SMC2: variants seen among roughly 807,000 people sequenced by gnomAD.
The protein encoded by SMC2 is structural maintenance of chromosomes 2.
SMC2 carries 41 observed loss-of-function variants against 142.6 expected under a neutral mutation model. That is an observed-to-expected ratio of 0.29 (90% CI 0.22 to 0.37). The LOEUF is 0.37. Ranked by LOEUF, SMC2 falls within the 10% of genes least tolerant of loss-of-function variation. The pLI is 1.00. For synonymous variants in SMC2, 463 were observed against 457.5 expected (o/e 1.01, Z -0.15); for missense variants, 1,265 against 1,373.7 (o/e 0.92, Z 1.25).
In SMC2 at chr9:104,109,084, G is replaced by A. The variant is rs187606172; in HGVS notation, c.1021-2497G>A. On this transcript the variant is annotated intron_variant, in intron 9 of 24. Transcript: ENST00000374793. ...AACTGAGAAAGGGAGAACAAGGTTA[G>A]TCTAAGGACACCCAGATGACTGTCC... Among the ~76,000 whole-genome samples the A allele has an allele frequency of 1.7e-4, 26 of 152,312 alleles. 1 individual carries two copies. The East Asian group carries it at 4.8e-3, about 28-fold the overall frequency.
intron 16 of SMC2, among the ~76,000 whole-genome samples, chr9:104,120,708 T>C (rs1212867017): frequency 6.6e-6 from 1 of 152,230 alleles, no homozygotes; most frequent in African/African-American, 2.4e-5. Flanking sequence ...ATAAGATATG[T>C]ATATACTTTC....
chr9:104,090,604 C>T (rs1237553479), upstream of SMC2, among the ~76,000 whole-genome samples: 1 of 152,120 alleles, frequency 6.6e-6, no homozygotes, highest in Non-Finnish European at 1.5e-5. Flanking sequence ...TCAGGAGCCA[C>T]AAACTGAGAA....
intron 9 of SMC2, among the ~76,000 whole-genome samples, chr9:104,110,884 T>G (rs1832362971): frequency 6.6e-6 from 1 of 152,238 alleles, no homozygotes; most frequent in African/African-American, 2.4e-5. Context: ...GTTTGATTAC[T>G]ATGTCTTCTA....
chr9:104,134,592 CTATAT>C lies in SMC2; in HGVS notation c.3269+22_3269+26del, dbSNP rs778151760. ...TGGTCAGAGGTGAGGAATCACTTTG[CTATAT>C]TATAATTTTCATTCCTCTTTATTAT... On this transcript the variant is annotated intron_variant, in intron 23 of 24. Coordinates refer to ENST00000374793, the MANE Select transcript of SMC2 (RefSeq NM_006444.3). The C allele has an allele frequency of 1.8e-5, 26 of 1,414,354 alleles. No homozygotes were observed. The East Asian group carries it at 6.0e-4, about 33-fold the overall frequency. The allele number at this position is 1,414,354 out of a possible 1,614,324, so 87.6% of individuals were successfully genotyped here.
rs370459865 is a variant in SMC2, at chr9:104,123,546, T to TTAA, written c.2257+316_2257+318dup. Reference sequence around the variant, plus strand: ...GTGAAAAGATAGCATGCATTAGCATTTAATTTGCATTTCCCTAATTGCTGA... The same window carrying TTAA: ...GTGAAAAGATAGCATGCATTAGCATTTAATAATTTGCATTTCCCTAATTGCTGA... On this transcript the variant is annotated intron_variant, in intron 17 of 24. Transcript: ENST00000374793. 3.2e-3 allele frequency among the ~76,000 whole-genome samples: 491 copies of TTAA among 152,364 alleles called. 4 individuals carry two copies. The highest frequency in any genetic ancestry group is 0.011 in the African/African-American group (474 of 41,596).
At chr9:104,122,318 C>T (rs1833828092) in intron 16 of SMC2, among the ~76,000 whole-genome samples, 1 of 152,154 alleles carries the variant, frequency 6.6e-6, no homozygotes, top group South Asian at 2.1e-4. Context: ...GCCATTGTTT[C>T]ACACCATATC....
chr9:104,090,524 A>C (rs901208323), upstream of SMC2, among the ~76,000 whole-genome samples: 12 of 152,172 alleles, frequency 7.9e-5, no homozygotes, highest in Admixed American at 1.3e-4. Flanking sequence ...GAAAAAAAAA[A>C]CATAAGGTAC....
rs376329714 is a variant in SMC2, at chr9:104,125,192, A to G, written c.2451+87A>G. Reference sequence around the variant, plus strand: ...AGAGCATCATTGGTTGACCTTATTCATCAGAATTGATCTCAGAATCTAAAA... The same window carrying G: ...AGAGCATCATTGGTTGACCTTATTCGTCAGAATTGATCTCAGAATCTAAAA... On this transcript the variant is annotated intron_variant, in intron 18 of 24. Coordinates refer to ENST00000374793, the MANE Select transcript of SMC2 (RefSeq NM_006444.3). 1.6e-4 allele frequency: 147 copies of G among 905,986 alleles called. 2 individuals carry two copies. The South Asian group carries it at 2.8e-3, about 17-fold the overall frequency. 56.1% of individuals were successfully genotyped at this position (905,986 alleles called of 1,614,324 possible).
Position 104,094,315 on chromosome 9 carries a change from A to G in SMC2, c.-224A>G, listed in dbSNP as rs1053577245. 1 of 398,628 alleles carries G rather than the reference A, an allele frequency of 2.5e-6. No individual in the cohort carries two copies. Among genetic ancestry groups the G allele is most frequent in the African/African-American group, 2.1e-5 (1 of 48,654 alleles). 24.7% of individuals were successfully genotyped at this position (398,628 alleles called of 1,614,324 possible). On this transcript the variant is annotated 5_prime_UTR_variant, in exon 1 of 25. Transcript: ENST00000374793. The stretch of plus-strand genomic sequence containing the variant: ...TTTGCTCGCGCCGAAATTCAAAGGA[A>G]TAAATAGTTCCGGCGCGGGTGTTGA...
At chr9:104,114,465 G>A (rs1832852585) in intron 12 of SMC2, among the ~76,000 whole-genome samples, 1 of 152,102 alleles carries the variant, frequency 6.6e-6, no homozygotes, top group Non-Finnish European at 1.5e-5. Flanking sequence ...GAACATCAGA[G>A]TTGTTCTTAC....
chr9:104,103,730 T>A lies in SMC2; in HGVS notation c.1020+1157T>A, dbSNP rs1160111963. ...CCAGTGAAGGTATACATTTGCCTTT[T>A]CACTGAAAAAAAATTAACTTTGTGA... On this transcript the variant is annotated intron_variant, in intron 9 of 24. Transcript: ENST00000374793. 2.6e-4 allele frequency among the ~76,000 whole-genome samples: 39 copies of A among 152,198 alleles called. 1 individual carries two copies. Among genetic ancestry groups the A allele is most frequent in the Admixed American group, 2.6e-3 (39 of 15,282 alleles).
rs774329965 is a variant in SMC2, at chr9:104,102,016, T to G, written c.693T>G (p.Ser231Arg). Residue 231 changes from serine (S) to arginine (R), a missense_variant, in exon 8 of 25, where the codon AGT (serine) becomes AGG (arginine). By Grantham distance (110) the Ser-to-Arg change is moderately radical. Around this residue, in one of 4 missense-constraint regions of SMC2, gnomAD observed 898 missense variants for 904.2 expected, o/e 0.99. Transcript: ENST00000374793. ...QKVMREIEHL[S>R]RLYIAYQFLL... ...TAATGAGAGAAATAGAACATTTGAG[T>G]CGTTTATATATTGCTTATCAGTTTT... The G allele has an allele frequency of 6.2e-7, 1 of 1,611,906 alleles. No homozygotes were observed. Among genetic ancestry groups the G allele is most frequent in the African/African-American group, 1.3e-5 (1 of 74,962 alleles).
intron 7 of SMC2, 103 bp downstream of exon 7, chr9:104,100,536 TC>T: frequency 2.7e-6 from 2 of 748,890 alleles, no homozygotes. Flanking sequence ...GGGGTTTTTT[TC>T]CTGCGATGAG....
the SMC2 span, among the ~76,000 whole-genome samples, chr9:104,089,087 G>T: frequency 1.3e-4 from 20 of 152,238 alleles, no homozygotes; most frequent in African/African-American, 4.8e-4. Flanking sequence ...CCTTAAAGAG[G>T]TTAGAATTAA....
At position 104,139,555 on chromosome 9, in the gene SMC2, T is replaced by C. The variant is rs1004256711; in HGVS notation, c.*240T>C. On this transcript the variant is annotated 3_prime_UTR_variant, in exon 25 of 25. Transcript: ENST00000374793. ...ATGCATATCATCAAATGTTTTTTTCTTATGCGGGTCTTTTATATATTAGGG... is the reference window on the plus strand; with the variant it reads ...ATGCATATCATCAAATGTTTTTTTCCTATGCGGGTCTTTTATATATTAGGG... The C allele has an allele frequency of 8.9e-6, 3 of 336,940 alleles. No homozygotes were observed. Among genetic ancestry groups the C allele is most frequent in the South Asian group, 6.5e-5 (1 of 15,380 alleles). 20.9% of individuals were successfully genotyped at this position (336,940 alleles called of 1,614,324 possible). A position where few individuals can be genotyped will look rare whatever the true frequency, so the allele number is the denominator to read the frequency against.
intron 18 of SMC2, among the ~76,000 whole-genome samples, chr9:104,125,330 G>A (rs753788650): frequency 1.3e-5 from 2 of 152,042 alleles, no homozygotes; most frequent in Non-Finnish European, 2.9e-5. Context: ...GTTGATCTGA[G>A]GCTCAAAGGA....
At position 104,139,457 on chromosome 9, in the gene SMC2, G is replaced by A. The variant is rs73665521; in HGVS notation, c.*142G>A. ...TTTTCTCTTTATATAATCACTTATC[G>A]CTTACAAATGAGCATATATTCCTCA... is the stretch of plus-strand genomic sequence containing the variant. On this transcript the variant is annotated 3_prime_UTR_variant, in exon 25 of 25. Transcript: ENST00000374793. The A allele has an allele frequency of 5.2e-3, 3,145 of 604,636 alleles. 99 individuals are homozygous for A. The African/African-American group carries it at 0.056, about 11-fold the overall frequency. 37.5% of individuals were successfully genotyped at this position (604,636 alleles called of 1,614,324 possible).
chr9:104,112,065 A>C (rs1832516941), intron 10 of SMC2, among the ~76,000 whole-genome samples: 1 of 152,208 alleles, frequency 6.6e-6, no homozygotes, highest in Non-Finnish European at 1.5e-5. Flanking sequence ...AAGTGCAATA[A>C]ATGCTTTGTT....
chr9:104,128,253 T>C (rs7027804), intron 20 of SMC2, among the ~76,000 whole-genome samples: 8,635 of 152,272 alleles, frequency 0.057, 654 homozygotes, highest in African/African-American at 0.18. Context: ...CTGAAAGAAC[T>C]GTGGAACTTG....
Sources: gnomAD v4.1 joint callset for allele counts (sites outside exome capture counted in the v4.1 genomes callset) on GRCh38, gnomAD v4.1.1 for gene constraint, gnomAD v4.1.1 regional missense constraint, MANE v1.5 for transcripts, NCBI Gene and HGNC (gene_info 2026-07-23, HGNC 2026-07-21) for gene names.